The following POLN variants were observed in gnomAD, a reference collection of about 807,000 sequenced individuals.
POLN encodes DNA polymerase N.
POLN carries 108 observed loss-of-function variants against 113.5 expected under a neutral mutation model. That is an observed-to-expected ratio of 0.95 (90% CI 0.81 to 1.12). The LOEUF (loss-of-function observed/expected upper bound fraction) is 1.12, where lower values mean the gene tolerates loss of function less well. POLN is among the 50% of genes most tolerant of loss of function. The probability of loss-of-function intolerance (pLI) is 0.00; values close to 1 mark genes in which losing one functional copy is unlikely to be tolerated. For missense variants in POLN, 1,097 were observed against 1,077.1 expected (o/e 1.02, Z -0.26); for synonymous variants, 386 against 391.5 (o/e 0.99, Z 0.17).
chr4:2,183,853 A>G (rs1404266473), intron 7 of POLN, among the ~76,000 whole-genome samples: 1 of 152,068 alleles, frequency 6.6e-6, no homozygotes, highest in Non-Finnish European at 1.5e-5. Flanking sequence ...TTTTAAAGCT[A>G]TACCAGAAAG....
At chr4:2,115,230 T>TATATATATA (rs1386479317) in intron 19 of POLN, among the ~76,000 whole-genome samples, 12 of 114,406 alleles carry the variant, frequency 1.0e-4, no homozygotes, top group African/African-American at 4.4e-4. Flanking sequence ...ATATATATAT[T>TATATATATA]TTTTTTTTTG....
chr4:2,208,140 A>T lies in POLN; in HGVS notation c.561T>A (p.Ser187=). Reference sequence around the variant, plus strand: ...GTTTTTTCAATGCTCCTGAGTTCCCAGAATTTAGGTAGCCTTCGGCGTCAT... The same window carrying T: ...GTTTTTTCAATGCTCCTGAGTTCCCTGAATTTAGGTAGCCTTCGGCGTCAT... The part of the protein sequence containing the change: ...DTDDAEGYLN[S]GNSGALKKHF... Residue 187 remains serine, a synonymous_variant, in exon 5 of 26, where the codon TCT becomes TCA. Transcript: ENST00000511885. 1 of 1,614,186 alleles carries T rather than the reference A, an allele frequency of 6.2e-7. No homozygotes were observed.
chr4:2,086,303 A>C (rs996508685), intron 20 of POLN, among the ~76,000 whole-genome samples: 3 of 152,126 alleles, frequency 2.0e-5, no homozygotes, highest in Non-Finnish European at 4.4e-5. Context: ...AGTAAGGCCT[A>C]GTTTCTATTT....
chr4:2,229,604 C>T (rs1015914263), intron 2 of POLN: 2 of 155,350 alleles, frequency 1.3e-5, no homozygotes, highest in Admixed American at 6.5e-5. Context: ...GCGGGTGGAT[C>T]ACCTGAGGTC....
intron 21 of POLN, among the ~76,000 whole-genome samples, chr4:2,083,540 T>C (rs35295379): frequency 6.6e-6 from 1 of 152,360 alleles, no homozygotes; most frequent in African/African-American, 2.4e-5. Flanking sequence ...GTCTCCTGAC[T>C]CCATACATTT....
chr4:2,229,365 C>A, intron 2 of POLN, 122 bp from the exon 3 acceptor site: 2 of 834,066 alleles, frequency 2.4e-6, no homozygotes, highest in African/African-American at 1.8e-5. Flanking sequence ...ATATTCATAA[C>A]CACAGAAAAT....
chr4:2,071,963 G>A lies in POLN; in HGVS notation c.*151C>T, dbSNP rs766085276. 7.0e-6 allele frequency: 6 copies of A among 861,560 alleles called. No individual in the cohort carries two copies. Among genetic ancestry groups the A allele is most frequent in the African/African-American group, 3.3e-5 (2 of 60,364 alleles). The allele number at this position is 861,560 out of a possible 1,614,324, so 53.4% of individuals were successfully genotyped here. On this transcript the variant is annotated 3_prime_UTR_variant, in exon 26 of 26. Coordinates refer to ENST00000511885, the MANE Select transcript of POLN (RefSeq NM_181808.4). The surrounding 1 kb of genome is among the most constrained non-coding windows in gnomAD (Gnocchi z 5.2). ...AATTCACTCAGACAAGGATGAGGAG[G>A]GCTTTGCACAGGCATTTACTCCAGG...
chr4:2,161,303 G>C (rs933649464), intron 13 of POLN, among the ~76,000 whole-genome samples: 3 of 152,226 alleles, frequency 2.0e-5, no homozygotes, highest in Non-Finnish European at 4.4e-5. Flanking sequence ...GGCTGCGCGG[G>C]GCGCTTGCAG....
intron 7 of POLN, among the ~76,000 whole-genome samples, chr4:2,182,816 G>A (rs1340928348): frequency 1.9e-4 from 26 of 137,406 alleles, no homozygotes; most frequent in South Asian, 4.4e-4. Flanking sequence ...CAAATAAATC[G>A]GATTTCCTTA....
intron 4 of POLN, among the ~76,000 whole-genome samples, chr4:2,210,625 AAT>A (rs1378700908): frequency 8.6e-6 from 1 of 116,952 alleles, no homozygotes; most frequent in African/African-American, 4.5e-5. Flanking sequence ...TAATAATAAT[AAT>A]AATAAAAAAA....
intron 11 of POLN, among the ~76,000 whole-genome samples, chr4:2,172,163 A>T (rs1365263718): frequency 6.6e-6 from 1 of 152,250 alleles, no homozygotes; most frequent in Non-Finnish European, 1.5e-5. Flanking sequence ...ACTCTGGTCC[A>T]GAGCTCTAAA....
At chr4:2,238,501 C>A in intron 2 of POLN, 3 of 647,012 alleles carry the variant, frequency 4.6e-6, no homozygotes, top group South Asian at 4.0e-5. Flanking sequence ...AAGTGAAATG[C>A]AAAGAATTGT....
intron 4 of POLN, 69 bp from the exon 5 acceptor site, chr4:2,208,556 T>A: frequency 7.6e-7 from 1 of 1,312,442 alleles, no homozygotes; most frequent in Non-Finnish European, 1.0e-6. Context: ...CTAAACTAAT[T>A]TCTGGTAAAA....
intron 16 of POLN, among the ~76,000 whole-genome samples, chr4:2,149,669 C>G (rs1258760977): frequency 6.6e-6 from 1 of 152,120 alleles, no homozygotes; most frequent in African/African-American, 2.4e-5. Context: ...ATCTGTGGTC[C>G]TAGCTACTCT....
chr4:2,240,513 G>A lies in POLN; in HGVS notation c.-13+1007C>T. Reference sequence around the variant, plus strand: ...TCCTTGACTCTGCTTCAGCTTTTTAGTGGCTTCTTCTTCTTTAGCATTTAA... The same window carrying A: ...TCCTTGACTCTGCTTCAGCTTTTTAATGGCTTCTTCTTCTTTAGCATTTAA... On this transcript the variant is annotated intron_variant, in intron 2 of 25. Coordinates refer to ENST00000511885, the MANE Select transcript of POLN (RefSeq NM_181808.4). The A allele has an allele frequency of 6.2e-7, 1 of 1,613,844 alleles. No homozygotes were observed. Among genetic ancestry groups the A allele is most frequent in the Admixed American group, 1.7e-5 (1 of 59,946 alleles).
chr4:2,096,408 A>G (rs1730791739), intron 19 of POLN, among the ~76,000 whole-genome samples: 1 of 152,162 alleles, frequency 6.6e-6, no homozygotes, highest in Non-Finnish European at 1.5e-5. Flanking sequence ...CTGGAGCTAC[A>G]GCATTCAGAT....
chr4:2,104,678 C>T (rs957903409), intron 19 of POLN, among the ~76,000 whole-genome samples: 1 of 152,186 alleles, frequency 6.6e-6, no homozygotes, highest in African/African-American at 2.4e-5. Flanking sequence ...TCTCTGCACC[C>T]AGCAGAGAGC....
rs1577745835 is a variant in POLN at position 2,179,589 on chromosome 4, A to C, written c.1022-124T>G. The C allele has an allele frequency of 5.1e-6, 5 of 979,912 alleles. No individual in the cohort carries two copies. In the South Asian group the frequency reaches 7.7e-5, roughly 15 times the overall value. The allele number at this position is 979,912 out of a possible 1,614,324, so 60.7% of individuals were successfully genotyped here. A position where few individuals can be genotyped will look rare whatever the true frequency, so the allele number is the denominator to read the frequency against. On this transcript the variant is annotated intron_variant, in intron 7 of 25. Coordinates refer to ENST00000511885, the MANE Select transcript of POLN (RefSeq NM_181808.4). Reference sequence around the variant, plus strand: ...TGTCATCCTCTCAAATTATAGACCTAAGGACCAAAGTGACTTTCCATTATT... The same window carrying C: ...TGTCATCCTCTCAAATTATAGACCTCAGGACCAAAGTGACTTTCCATTATT...
At chr4:2,128,078 C>A in intron 19 of POLN, 35 bp downstream of exon 19, 1 of 1,337,314 alleles carries the variant, frequency 7.5e-7, no homozygotes, top group Non-Finnish European at 1.1e-6. Flanking sequence ...GGCCTTCCTG[C>A]AGATCTGATA....
Sources: allele counts gnomAD v4.1 joint callset (sites outside exome capture counted in the v4.1 genomes callset), GRCh38; gene constraint gnomAD v4.1.1; non-coding constraint Gnocchi (gnomAD v3.1); transcripts MANE v1.5; gene names NCBI Gene and HGNC (gene_info 2026-07-23, HGNC 2026-07-21).